Variants in TTC23 observed in about 807,000 individuals in gnomAD.
TTC23 encodes the protein tetratricopeptide repeat protein 23.
Under a neutral mutation model 55.1 loss-of-function variants are expected in TTC23, and 58 were observed. The observed-to-expected ratio is 1.05, with a 90% confidence interval of 0.85 to 1.31. The LOEUF is 1.31. TTC23 is among the 50% of genes most tolerant of loss of function. The pLI, the probability that TTC23 is intolerant of heterozygous loss-of-function variation, is 0.00. For missense variants in TTC23, 516 were observed against 534.4 expected (o/e 0.97, Z 0.34); for synonymous variants, 203 against 199.9 (o/e 1.02, Z -0.13).
At chr15:99,236,815 T>C (rs1033850931) in intron 3 of TTC23, among the ~76,000 whole-genome samples, 2 of 152,224 alleles carry the variant, frequency 1.3e-5, no homozygotes, top group African/African-American at 4.8e-5. Context: ...ATTCCATGGA[T>C]TACCTTTTGT....
chr15:99,233,604 T>C (rs780261407), intron 4 of TTC23, among the ~76,000 whole-genome samples: 3 of 152,202 alleles, frequency 2.0e-5, no homozygotes, highest in Non-Finnish European at 2.9e-5. Context: ...CTCAATCTGA[T>C]AGGCACCTTT....
At chr15:99,244,122 C>A (rs542302895) in intron 2 of TTC23, among the ~76,000 whole-genome samples, 1 of 151,960 alleles carries the variant, frequency 6.6e-6, no homozygotes, top group Non-Finnish European at 1.5e-5. Flanking sequence ...TATGTACTCA[C>A]AAAAATTAAA....
At chr15:99,210,535 C>T (rs548744415) in intron 8 of TTC23, among the ~76,000 whole-genome samples, 1 of 152,286 alleles carries the variant, frequency 6.6e-6, no homozygotes, top group East Asian at 1.9e-4. Context: ...AGAAACATGT[C>T]TGCTGGAGAA....
At chr15:99,163,086 A>AAAC (rs1567365530) in intron 10 of TTC23, among the ~76,000 whole-genome samples, 2 of 150,160 alleles carry the variant, frequency 1.3e-5, no homozygotes, top group Non-Finnish European at 3.0e-5. Flanking sequence ...CCTGTCTCAA[A>AAAC]AAACAAACAA....
At chr15:99,167,130 T>G (rs940073335) in intron 10 of TTC23, among the ~76,000 whole-genome samples, 2 of 148,308 alleles carry the variant, frequency 1.3e-5, no homozygotes, top group African/African-American at 5.0e-5. Flanking sequence ...TTTATTCTCC[T>G]GGCAATGGAC....
chr15:99,167,831 T>G (rs2072340602), intron 10 of TTC23, among the ~76,000 whole-genome samples: 1 of 152,200 alleles, frequency 6.6e-6, no homozygotes, highest in African/African-American at 2.4e-5. Flanking sequence ...ATGTGACGAT[T>G]GTCTTTTGTA....
At chr15:99,229,820 C>G in intron 4 of TTC23, among the ~76,000 whole-genome samples, 1 of 152,220 alleles carries the variant, frequency 6.6e-6, no homozygotes, top group East Asian at 1.9e-4. Flanking sequence ...AGTTAGAGTA[C>G]TCAGAAGCCT....
At chr15:99,149,935 C>T (rs1390318375) in intron 12 of TTC23, among the ~76,000 whole-genome samples, 1 of 152,228 alleles carries the variant, frequency 6.6e-6, no homozygotes, top group African/African-American at 2.4e-5. Context: ...TTTGCCACCC[C>T]CCTCTATTCT....
At chr15:99,191,093 T>C (rs2075216383) in intron 9 of TTC23, among the ~76,000 whole-genome samples, 1 of 152,166 alleles carries the variant, frequency 6.6e-6, no homozygotes, top group Non-Finnish European at 1.5e-5. Flanking sequence ...TCTACATTTC[T>C]TTCTCTAAGC....
chr15:99,248,107 A>G (rs1277849357), intron 1 of TTC23: 1 of 152,174 alleles, frequency 6.6e-6, no homozygotes, highest in Non-Finnish European at 1.5e-5. Context: ...GCTTTCGAAG[A>G]CTACAAAGAA....
chr15:99,199,982 T>C lies in TTC23; in HGVS notation c.696A>G (p.Arg232=), dbSNP rs2076066997. 1.2e-6 allele frequency: 2 copies of C among 1,614,016 alleles called. No homozygotes were observed. Among genetic ancestry groups the C allele is most frequent in the Non-Finnish European group, 1.7e-6 (2 of 1,179,972 alleles). ...GGGCTTGCTCTACACCTGCTAATTC[T>C]CTCAATATGGGTACACACTCACGAC... The part of the protein sequence containing the change: ...ETSRECVPIL[R]ELAGVEQALG... Residue 232 remains arginine (R), a synonymous_variant, in exon 9 of 14, where the codon AGA becomes AGG. Transcript: ENST00000394132.
intron 6 of TTC23, among the ~76,000 whole-genome samples, chr15:99,219,306 A>G (rs1282341633): frequency 6.6e-6 from 1 of 152,254 alleles, no homozygotes; most frequent in African/African-American, 2.4e-5. Context: ...AACAGCTTTG[A>G]AACCTCACCA....
chr15:99,182,248 T>TCTCTCA (rs1286172224), intron 9 of TTC23, among the ~76,000 whole-genome samples: 50 of 108,688 alleles, frequency 4.6e-4, no homozygotes, highest in South Asian at 1.1e-3. Context: ...TCTCTCTCTC[T>TCTCTCA]CACACACACA....
intron 9 of TTC23, among the ~76,000 whole-genome samples, chr15:99,193,472 ATC>A (rs1399727320): frequency 6.6e-6 from 1 of 152,144 alleles, no homozygotes; most frequent in Non-Finnish European, 1.5e-5. Flanking sequence ...TCCCTGACCA[ATC>A]TGTTTGCCTG....
At chr15:99,178,136 C>G (rs553284257) in intron 9 of TTC23, among the ~76,000 whole-genome samples, 4 of 152,222 alleles carry the variant, frequency 2.6e-5, no homozygotes, top group African/African-American at 9.6e-5. Context: ...GAGCCGTGAT[C>G]GTGTACTGCA....
rs1374087008 is a variant in TTC23 at position 99,138,002 on chromosome 15, T to C, written c.*8A>G. On this transcript the variant is annotated 3_prime_UTR_variant, in exon 14 of 14. Transcript: ENST00000394132. ...AGGAATGTCCTAGGCTTTTTCAGGG[T>C]GGGGGCCTCAGTCTGCTGTTGTGCC... 7.4e-6 allele frequency: 12 copies of C among 1,613,958 alleles called. No homozygotes were observed. The highest frequency in any genetic ancestry group is 2.2e-5 in the East Asian group (1 of 44,866).
chr15:99,224,204 C>A (rs2078192827), intron 5 of TTC23, among the ~76,000 whole-genome samples: 6 of 152,174 alleles, frequency 3.9e-5, no homozygotes, highest in Admixed American at 3.9e-4. Flanking sequence ...CTGTCATATT[C>A]TTTTCTACAG....
At chr15:99,145,678 C>CTCTT in intron 12 of TTC23, among the ~76,000 whole-genome samples, 1 of 152,090 alleles carries the variant, frequency 6.6e-6, no homozygotes, top group East Asian at 1.9e-4. Context: ...ATGTCTCTCT[C>CTCTT]TCTGTCTCTG....
intron 10 of TTC23, among the ~76,000 whole-genome samples, 162 bp downstream of exon 10, chr15:99,174,888 G>T (rs2073362870): frequency 6.6e-6 from 1 of 152,184 alleles, no homozygotes; most frequent in African/African-American, 2.4e-5. Flanking sequence ...GGACTCAGAG[G>T]AAAGCAGCAG....
Sources: allele counts gnomAD v4.1 joint callset (sites outside exome capture counted in the v4.1 genomes callset), GRCh38; gene constraint gnomAD v4.1.1; transcripts MANE v1.5; gene names NCBI Gene and HGNC (gene_info 2026-07-23, HGNC 2026-07-21).